KPNA5: variants seen among roughly 807,000 people sequenced by gnomAD.
The protein encoded by KPNA5 is karyopherin subunit alpha 5, also known as importin subunit alpha-6.
Under a neutral mutation model 71.3 loss-of-function variants are expected in KPNA5, and 46 were observed. The ratio of observed to expected loss-of-function variants is 0.65; its 90% CI spans 0.51 to 0.83. The LOEUF is 0.83. Ranked by LOEUF, KPNA5 falls within the 40% of genes least tolerant of loss-of-function variation. The pLI is 0.00. For synonymous variants in KPNA5, 207 were observed against 201.4 expected (o/e 1.03, Z -0.24); for missense variants, 547 against 628.3 (o/e 0.87, Z 1.38).
At position 116,737,528 on chromosome 6, in the gene KPNA5, A is replaced by G. The variant is rs1308058565; in HGVS notation, c.*5205A>G. ...TCCCCATCTCAGAGACTTTGTGGCT[A>G]TACCTGAATTTCCCTTCCTTGCCCT... On this transcript the variant is annotated 3_prime_UTR_variant, in exon 14 of 14. Coordinates refer to ENST00000368564, the MANE Select transcript of KPNA5 (RefSeq NM_001366306.2). 6.6e-6 allele frequency: 1 copy of G among 152,082 alleles called. No homozygotes were observed. The highest frequency in any genetic ancestry group is 2.4e-5 in the African/African-American group (1 of 41,430). 9.4% of individuals were successfully genotyped at this position (152,082 alleles called of 1,614,324 possible).
At chr6:116,729,158 C>CGTGTGTGTGTGTGTGTGT (rs150925835) in intron 12 of KPNA5, among the ~76,000 whole-genome samples, 1 of 112,160 alleles carries the variant, frequency 8.9e-6, no homozygotes, top group Non-Finnish European at 1.8e-5. Context: ...ATATGACCTC[C>CGTGTGTGTGTGTGTGTGT]GTGTGTGTGT....
At chr6:116,695,328 G>A (rs1288539856) in intron 4 of KPNA5, among the ~76,000 whole-genome samples, 1 of 151,360 alleles carries the variant, frequency 6.6e-6, no homozygotes, top group Non-Finnish European at 1.5e-5. Flanking sequence ...CTTATTTATT[G>A]GTTCTTTATA....
chr6:116,738,182 C>G lies in KPNA5; in HGVS notation c.*5859C>G, dbSNP rs912888961. 6.6e-6 allele frequency: 1 copy of G among 151,930 alleles called. No individual in the cohort carries two copies. Among genetic ancestry groups the G allele is most frequent in the Admixed American group, 6.6e-5 (1 of 15,236 alleles). 9.4% of individuals were successfully genotyped at this position (151,930 alleles called of 1,614,324 possible). ...GATAAAGGGGATATCACCACCGATCCCACAGAAATACAAACTACCATCAGA... is the reference window on the plus strand; with the variant it reads ...GATAAAGGGGATATCACCACCGATCGCACAGAAATACAAACTACCATCAGA... On this transcript the variant is annotated 3_prime_UTR_variant, in exon 14 of 14. Transcript: ENST00000368564.
At chr6:116,686,065 TG>T (rs1327026733) in intron 1 of KPNA5, among the ~76,000 whole-genome samples, 2 of 151,990 alleles carry the variant, frequency 1.3e-5, no homozygotes, top group Non-Finnish European at 2.9e-5. Flanking sequence ...CCACCATGCC[TG>T]GGTAATGTTT....
Position 116,725,792 on chromosome 6 carries a change from A to T in KPNA5, c.1041A>T (p.Leu347Phe). The T allele has an allele frequency of 6.2e-7, 1 of 1,613,144 alleles. No individual in the cohort carries two copies. Among genetic ancestry groups the T allele is most frequent in the African/African-American group, 1.3e-5 (1 of 74,972 alleles). Residue 347 changes from leucine to phenylalanine, a missense_variant, in exon 11 of 14, where the codon TTA becomes TTT. Transcript: ENST00000368564. ...NCSALPCLLH[L>F]LSSPKESIRK... ...CTGCATTACCCTGTCTCTTACATTT[A>T]TTGAGTAGCCCAAAGGAGTCAATTA...
In KPNA5 at chr6:116,716,664, T is replaced by G. The variant is rs1471584648; in HGVS notation, c.756+346T>G. On this transcript the variant is annotated intron_variant, in intron 8 of 13. Coordinates refer to ENST00000368564, the MANE Select transcript of KPNA5 (RefSeq NM_001366306.2). The stretch of plus-strand genomic sequence containing the variant: ...TATGTTCACCATTTGTACTTTTTCA[T>G]TGTAACTTTTATCTCTTAGGATATC... Among the ~76,000 whole-genome samples the G allele has an allele frequency of 3.3e-5, 5 of 152,360 alleles. No individual in the cohort carries two copies. The East Asian group carries it at 9.6e-4, about 29-fold the overall frequency.
At chr6:116,728,856 A>G (rs933662752) in intron 12 of KPNA5, among the ~76,000 whole-genome samples, 2 of 152,106 alleles carry the variant, frequency 1.3e-5, no homozygotes, top group Non-Finnish European at 2.9e-5. Flanking sequence ...TAACCTTTGT[A>G]CTTAATATGG....
chr6:116,715,852 T>G (rs995493258), intron 7 of KPNA5, among the ~76,000 whole-genome samples: 1 of 151,910 alleles, frequency 6.6e-6, no homozygotes, highest in Non-Finnish European at 1.5e-5. Flanking sequence ...GGGGCAGAGG[T>G]TGCAGTGAGC....
In KPNA5 at chr6:116,738,353, TAATC is replaced by T; in HGVS notation, c.*6034_*6037del. On this transcript the variant is annotated 3_prime_UTR_variant, in exon 14 of 14. Transcript: ENST00000368564. ...ATAACAGGATCTGAAATTGTGGCAA[TAATC>T]AATAGCTTACCAACAAAAAGAGTCC... is the stretch of plus-strand genomic sequence containing the variant. 6.6e-6 allele frequency: 1 copy of T among 152,280 alleles called. No individual in the cohort carries two copies. 9.4% of individuals were successfully genotyped at this position (152,280 alleles called of 1,614,324 possible).
chr6:116,724,228 A>AT, intron 9 of KPNA5, 69 bp from the exon 10 acceptor site: 1 of 1,028,164 alleles, frequency 9.7e-7, no homozygotes, highest in South Asian at 1.4e-5. Context: ...AGTTTGTAGT[A>AT]TTTTTGTAAC....
intron 1 of KPNA5, among the ~76,000 whole-genome samples, chr6:116,688,571 T>G (rs1777681094): frequency 6.6e-6 from 1 of 152,124 alleles, no homozygotes. Flanking sequence ...ATAATTCACT[T>G]TCTAAAAGTA....
In KPNA5 at chr6:116,726,581, T is replaced by C. The variant is rs754097756; in HGVS notation, c.1212T>C (p.Ala404=). Residue 404 remains alanine (A), a synonymous_variant, in exon 12 of 14, where the codon GCT becomes GCC. Transcript: ENST00000368564. ...GTACCAGAAAAGAAGCAGCTTGGGC[T>C]ATAACTAATGCAACATCAGGAGGTA... is the stretch of plus-strand genomic sequence containing the variant. ...EFRTRKEAAW[A]ITNATSGGTP... is the part of the protein sequence containing the mutation. The C allele has an allele frequency of 5.6e-6, 9 of 1,612,406 alleles. No homozygotes were observed. In the South Asian group the frequency reaches 8.8e-5, roughly 16 times the overall value.
intron 9 of KPNA5, among the ~76,000 whole-genome samples, 182 bp downstream of exon 9, chr6:116,722,471 G>A (rs1193623019): frequency 2.0e-5 from 3 of 152,152 alleles, no homozygotes; most frequent in African/African-American, 4.8e-5. Context: ...TGGAACTTAT[G>A]TCCTATAGTT....
chr6:116,704,955 G>C, intron 6 of KPNA5, 117 bp from the exon 7 acceptor site: 1 of 616,704 alleles, frequency 1.6e-6, no homozygotes. Flanking sequence ...CTTTTCTACT[G>C]TTTTTTTTTA....
intron 7 of KPNA5, among the ~76,000 whole-genome samples, chr6:116,711,707 G>A (rs1778696393): frequency 6.6e-6 from 1 of 152,150 alleles, no homozygotes; most frequent in Non-Finnish European, 1.5e-5. Context: ...ATTTATCAGA[G>A]CTCAAGTGAT....
intron 7 of KPNA5, among the ~76,000 whole-genome samples, chr6:116,708,404 A>G (rs1778528031): frequency 6.6e-6 from 1 of 152,142 alleles, no homozygotes; most frequent in Admixed American, 6.5e-5. Flanking sequence ...ATCATCACCA[A>G]CACATATTAT....
chr6:116,731,660 T>C (rs1417602761), intron 13 of KPNA5, among the ~76,000 whole-genome samples: 2 of 152,166 alleles, frequency 1.3e-5, no homozygotes, highest in Non-Finnish European at 2.9e-5. Flanking sequence ...TTGTATGGGT[T>C]TGGAAATTTT....
rs144565582 is a variant in KPNA5 at position 116,710,216 on chromosome 6, C to A, written c.656+5056C>A. Among the ~76,000 whole-genome samples, 24 of 152,068 alleles carry A rather than the reference C, an allele frequency of 1.6e-4. No homozygotes were observed. The East Asian group carries it at 4.4e-3, about 28-fold the overall frequency. ...CTTCCTTGCATTGCTTGGTTAAATG[C>A]CATGTGGTCATAGTATAAGCTGCTA... On this transcript the variant is annotated intron_variant, in intron 7 of 13. Coordinates refer to ENST00000368564, the MANE Select transcript of KPNA5 (RefSeq NM_001366306.2).
At chr6:116,683,877 G>A (rs1448410656) in intron 1 of KPNA5, among the ~76,000 whole-genome samples, 7 of 143,934 alleles carry the variant, frequency 4.9e-5, no homozygotes, top group Non-Finnish European at 1.5e-5. Context: ...GATTACAGGC[G>A]TGAGCCACCG....
Sources: allele counts gnomAD v4.1 joint callset (sites outside exome capture counted in the v4.1 genomes callset), GRCh38; gene constraint gnomAD v4.1.1; transcripts MANE v1.5; gene names NCBI Gene and HGNC (gene_info 2026-07-23, HGNC 2026-07-21).